The following DEPDC1 variants were observed in gnomAD, a reference collection of about 807,000 sequenced individuals.
DEPDC1 encodes the protein DEP domain-containing protein 1A.
Under a neutral mutation model 86.8 loss-of-function variants are expected in DEPDC1, and 66 were observed. The ratio of observed to expected loss-of-function variants is 0.76; its 90% CI spans 0.62 to 0.93. The LOEUF (loss-of-function observed/expected upper bound fraction) is 0.93, where lower values mean the gene tolerates loss of function less well. DEPDC1 is among the 40% of genes least tolerant of loss of function. The pLI is 0.00. For synonymous variants in DEPDC1, 255 were observed against 314.9 expected, an observed-to-expected ratio of 0.81 and a Z score of 2.02; for missense variants, 792 against 935.7, an observed-to-expected ratio of 0.85 and a Z score of 2.00.
At chr1:68,488,198 C>T (rs1314568909) in intron 5 of DEPDC1, among the ~76,000 whole-genome samples, 176 bp downstream of exon 5, 6 of 151,784 alleles carry the variant, frequency 4.0e-5, no homozygotes, top group Admixed American at 2.6e-4. Context: ...CTTATACTAG[C>T]ACGAATAATA....
At position 68,496,465 on chromosome 1, in the gene DEPDC1, C is replaced by T. The variant is rs1247700684; in HGVS notation, c.48+487G>A. On this transcript the variant is annotated intron_variant, in intron 1 of 11. Transcript: ENST00000456315. The surrounding 1 kb of genome is among the most constrained non-coding windows in gnomAD (Gnocchi z 4.0). Reference sequence around the variant, plus strand: ...CCGTTTTGAAACAGGCAGCTGTTATCCTAGTGCTATTCGGCCGATACATCC... The same window carrying T: ...CCGTTTTGAAACAGGCAGCTGTTATTCTAGTGCTATTCGGCCGATACATCC... Among the ~76,000 whole-genome samples, 1 of 152,216 alleles carries T rather than the reference C, an allele frequency of 6.6e-6. No individual in the cohort carries two copies. The highest frequency in any genetic ancestry group is 2.4e-5 in the African/African-American group (1 of 41,440).
chr1:68,479,188 G>GT lies in DEPDC1; in HGVS notation c.2067dup (p.Gln690ThrfsTer9). 6.2e-7 allele frequency: 1 copy of GT among 1,611,630 alleles called. No homozygotes were observed. The highest frequency in any genetic ancestry group is 1.1e-5 in the South Asian group (1 of 90,862). On this transcript the variant is annotated frameshift_variant, in exon 10 of 12. Transcript: ENST00000456315. LOFTEE classifies it high-confidence loss of function. ...TCAAGATGTTTTTCCACTGCAGTCT[G>GT]TAAGTAAGAGGGTACTTGAAGAATT... is the stretch of plus-strand genomic sequence containing the variant.
rs1571192378 is a variant in DEPDC1 at position 68,477,816 on chromosome 1, G to T, written c.2269C>A (p.Leu757Ile). The T allele has an allele frequency of 6.5e-7, 1 of 1,538,946 alleles. No individual in the cohort carries two copies. Among genetic ancestry groups the T allele is most frequent in the East Asian group, 2.3e-5 (1 of 43,120 alleles). ...ENIIKNRSLP[L>I]KEKRKKLKQF... is the part of the protein sequence containing the mutation. ...TTTAGTTTTTTTCTTTTCTCCTTTA[G>T]AGGTAAACTCCTGTTTTTAATAATA... The change falls in exon 11 of 12, where the codon CTA becomes ATA. Residue 757 changes from leucine (L) to isoleucine (I), a missense_variant. By Grantham distance (5) the Leu-to-Ile change is conservative. Coordinates refer to ENST00000456315, the MANE Select transcript of DEPDC1 (RefSeq NM_001114120.3).
chr1:68,479,038 G>A (rs767210702), intron 10 of DEPDC1, 106 bp downstream of exon 10: 41 of 943,668 alleles, frequency 4.3e-5, no homozygotes, highest in Middle Eastern at 2.2e-4. Flanking sequence ...TTTAGAGGTT[G>A]TTTATGGGAG....
chr1:68,474,943 T>C lies in DEPDC1; in HGVS notation c.*1989A>G, dbSNP rs1308099511. The C allele has an allele frequency of 1.3e-5, 2 of 152,072 alleles. No individual in the cohort carries two copies. Among genetic ancestry groups the C allele is most frequent in the East Asian group, 3.8e-4 (2 of 5,200 alleles). 9.4% of individuals were successfully genotyped at this position (152,072 alleles called of 1,614,324 possible). On this transcript the variant is annotated 3_prime_UTR_variant, in exon 12 of 12. Coordinates refer to ENST00000456315, the MANE Select transcript of DEPDC1 (RefSeq NM_001114120.3). Reference sequence around the variant, plus strand: ...GTCCAAAGCAACAGAAAGGACCACATTTTTGCTAAGATCTCTTCTAGTGCT... The same window carrying C: ...GTCCAAAGCAACAGAAAGGACCACACTTTTGCTAAGATCTCTTCTAGTGCT...
At chr1:68,481,128 A>T (rs1209460824) in intron 9 of DEPDC1, among the ~76,000 whole-genome samples, 1 of 151,974 alleles carries the variant, frequency 6.6e-6, no homozygotes, top group Non-Finnish European at 1.5e-5. Flanking sequence ...CTTCTTCCTT[A>T]TCCACCAAAC....
chr1:68,483,222 A>C (rs1319176267), intron 7 of DEPDC1: 1 of 534,206 alleles, frequency 1.9e-6, no homozygotes, highest in Non-Finnish European at 3.6e-6. Flanking sequence ...CATAAATATA[A>C]GATAATTGTG....
In DEPDC1 at chr1:68,496,866, A is replaced by G; in HGVS notation, c.48+86T>C. ...GGGACTCATCCCTCCGACCGAGGTA[A>G]AACTGCGAACGGTCGAGGTAAAACT... On this transcript the variant is annotated intron_variant, in intron 1 of 11. Coordinates refer to ENST00000456315, the MANE Select transcript of DEPDC1 (RefSeq NM_001114120.3). This position sits in a 1 kb window ranked among gnomAD's most constrained non-coding sequence, Gnocchi z 4.0. The G allele has an allele frequency of 7.0e-7, 1 of 1,423,654 alleles. No individual in the cohort carries two copies. The highest frequency in any genetic ancestry group is 9.8e-7 in the Non-Finnish European group (1 of 1,020,022). 88.2% of individuals were successfully genotyped at this position (1,423,654 alleles called of 1,614,324 possible).
chr1:68,478,092 A>C (rs1415569449), intron 10 of DEPDC1, 120 bp from the exon 11 acceptor site: 3 of 677,520 alleles, frequency 4.4e-6, no homozygotes, highest in Non-Finnish European at 6.6e-6. Context: ...TCAGCCATTA[A>C]AAAAACTATG....
chr1:68,478,074 T>G, intron 10 of DEPDC1, 102 bp from the exon 11 acceptor site: 1 of 814,972 alleles, frequency 1.2e-6, no homozygotes, highest in Non-Finnish European at 1.8e-6. Context: ...TTACCACCAA[T>G]CAAACATTCA....
rs751675675 is a variant in DEPDC1, at chr1:68,484,081, C to G, written c.779G>C (p.Ser260Thr). The G allele has an allele frequency of 6.4e-7, 1 of 1,558,256 alleles. No homozygotes were observed. The highest frequency in any genetic ancestry group is 1.4e-5 in the African/African-American group (1 of 71,354). Residue 260 changes from serine (S) to threonine (T), a missense_variant, in exon 7 of 12, where the codon AGC (serine) becomes ACC (threonine). Physicochemically the swap from Ser to Thr is moderately conservative, Grantham distance 58. Transcript: ENST00000456315. ...AMKCLANWPRSNDMNNPTYVG... is the reference protein window; with the variant it reads ...AMKCLANWPRTNDMNNPTYVG... ...ATAAGTTGGATTATTCATATCATTG[C>G]TTCTTGGCCCTAAGAAGTAGAAGGC...
intron 9 of DEPDC1, 83 bp downstream of exon 9, chr1:68,481,357 C>T: frequency 2.4e-6 from 3 of 1,247,126 alleles, no homozygotes; most frequent in Non-Finnish European, 2.3e-6. Context: ...TAAGACATCA[C>T]TTGAGTAGTA....
chr1:68,494,097 C>A (rs1002912958), intron 2 of DEPDC1, among the ~76,000 whole-genome samples: 1 of 152,154 alleles, frequency 6.6e-6, no homozygotes, highest in East Asian at 1.9e-4. Context: ...GATCTGTGAA[C>A]TTATAATCTA....
chr1:68,486,374 G>C (rs569969551), intron 6 of DEPDC1, among the ~76,000 whole-genome samples: 1 of 152,134 alleles, frequency 6.6e-6, no homozygotes, highest in Non-Finnish European at 1.5e-5. Context: ...ACTGTAAGTT[G>C]TAAGTTTCCT....
chr1:68,489,570 C>A lies in DEPDC1; in HGVS notation c.353G>T (p.Arg118Met). The A allele has an allele frequency of 1.3e-6, 2 of 1,539,544 alleles. No individual in the cohort carries two copies. The highest frequency in any genetic ancestry group is 1.7e-4 in the Middle Eastern group (1 of 5,856). Reference protein sequence around the residue: ...ATSPLKTLPRRYPELRKNNIE... With the variant: ...ATSPLKTLPRMYPELRKNNIE... ...GTTGTTTTTTCTCAATTCTGGATAC[C>A]TTCGTGGTAGAGTTTTAAGTGGCGA... The change falls in exon 3 of 12, where the codon AGG (arginine) becomes ATG (methionine). Residue 118 changes from arginine to methionine, a missense_variant. Coordinates refer to ENST00000456315, the MANE Select transcript of DEPDC1 (RefSeq NM_001114120.3).
At chr1:68,493,588 G>T (rs1646243168) in intron 2 of DEPDC1, among the ~76,000 whole-genome samples, 1 of 152,158 alleles carries the variant, frequency 6.6e-6, no homozygotes, top group African/African-American at 2.4e-5. Flanking sequence ...GTTAAAAGGG[G>T]TTAATACCTA....
chr1:68,477,942 G>T lies in DEPDC1; in HGVS notation c.2143C>A (p.Pro715Thr). 1 of 1,553,778 alleles carries T rather than the reference G, an allele frequency of 6.4e-7. No homozygotes were observed. Among genetic ancestry groups the T allele is most frequent in the South Asian group, 1.3e-5 (1 of 76,690 alleles). Residue 715 changes from proline to threonine, a missense_variant, in exon 11 of 12, where the codon CCT (proline) becomes ACT (threonine). Physicochemically the swap from Pro to Thr is conservative, Grantham distance 38. Transcript: ENST00000456315. ...TTACAGTATGAGTAAGTTGGCAAAG[G>T]AGCAAATAGTCCATCTCCAGGATTT... ...IENPGDGLFAPLPTYSYCKQI... is the reference protein window; with the variant it reads ...IENPGDGLFATLPTYSYCKQI...
intron 10 of DEPDC1, 84 bp from the exon 11 acceptor site, chr1:68,478,056 C>G: frequency 1.0e-6 from 1 of 967,936 alleles, no homozygotes; most frequent in African/African-American, 1.7e-5. Context: ...GATCTAGCAC[C>G]TATTAATTTA....
In DEPDC1 at chr1:68,482,803, A is replaced by G. The variant is rs1646166300; in HGVS notation, c.1005T>C (p.Asn335=). The G allele has an allele frequency of 1.2e-6, 2 of 1,612,444 alleles. No homozygotes were observed. Among genetic ancestry groups the G allele is most frequent in the African/African-American group, 1.3e-5 (1 of 74,908 alleles). Residue 335 remains asparagine, a synonymous_variant, in exon 8 of 12, where the codon AAT becomes AAC. Coordinates refer to ENST00000456315, the MANE Select transcript of DEPDC1 (RefSeq NM_001114120.3). The part of the protein sequence containing the change: ...PQSSKFLHLN[N]LNSFKSTECL... ...ACTCAGTTGATTTGAAGGAATTCAA[A>G]TTGTTTAAGTGAAGGAATTTTGAAG... is the stretch of plus-strand genomic sequence containing the variant.
Sources: allele counts gnomAD v4.1 joint callset (sites outside exome capture counted in the v4.1 genomes callset), GRCh38; gene constraint gnomAD v4.1.1; non-coding constraint Gnocchi (gnomAD v3.1); transcripts MANE v1.5; gene names NCBI Gene and HGNC (gene_info 2026-07-23, HGNC 2026-07-21).